Variants in CLSTN2 observed in about 807,000 individuals in gnomAD.
CLSTN2 encodes calsyntenin 2.
Under a neutral mutation model 101.2 loss-of-function variants are expected in CLSTN2, and 48 were observed. The ratio of observed to expected loss-of-function variants is 0.47; its 90% CI spans 0.38 to 0.60. The LOEUF (loss-of-function observed/expected upper bound fraction) is 0.60, where lower values mean the gene tolerates loss of function less well. Ranked by LOEUF, CLSTN2 falls within the 20% of genes least tolerant of loss-of-function variation. The pLI, the probability that CLSTN2 is intolerant of heterozygous loss-of-function variation, is 0.00. For missense variants in CLSTN2, 1,160 were observed against 1,238.2 expected (o/e 0.94, Z 0.95); for synonymous variants, 481 against 463.6 (o/e 1.04, Z -0.48).
chr3:140,531,302 G>A (rs1935250445), intron 8 of CLSTN2, among the ~76,000 whole-genome samples: 1 of 152,068 alleles, frequency 6.6e-6, no homozygotes, highest in Non-Finnish European at 1.5e-5. Flanking sequence ...ACATGAGACA[G>A]GACAATATAA....
chr3:140,189,565 G>A (rs187836469), intron 2 of CLSTN2, among the ~76,000 whole-genome samples: 132 of 152,056 alleles, frequency 8.7e-4, no homozygotes, highest in African/African-American at 3.1e-3. Flanking sequence ...AATGTCTTTT[G>A]TTCATTTTAT....
At chr3:139,937,786 C>G (rs1211445651) in intron 1 of CLSTN2, among the ~76,000 whole-genome samples, 1 of 152,006 alleles carries the variant, frequency 6.6e-6, no homozygotes, top group Non-Finnish European at 1.5e-5. Flanking sequence ...ATTTGTTTTT[C>G]CAGGGTAAAA....
At chr3:140,472,458 C>A (rs1401823344) in intron 8 of CLSTN2, among the ~76,000 whole-genome samples, 2 of 152,104 alleles carry the variant, frequency 1.3e-5, no homozygotes, top group Non-Finnish European at 2.9e-5. Context: ...AACCAAGTGC[C>A]AAGGAGTTAA....
In CLSTN2 at chr3:140,417,992, G is replaced by T. The variant is rs1248030986; in HGVS notation, c.638-3133G>T. On this transcript the variant is annotated intron_variant, in intron 4 of 16. Transcript: ENST00000458420. ...TAGACCTGCAACAAATTGAGCCAAG[G>T]ATTCAGCTTGTGTGTTTATTTTTCT... is the stretch of plus-strand genomic sequence containing the variant. Among the ~76,000 whole-genome samples, 4 of 152,170 alleles carry T rather than the reference G, an allele frequency of 2.6e-5. No individual in the cohort carries two copies. The East Asian group carries it at 7.7e-4, about 29-fold the overall frequency.
rs112390411 is a variant in CLSTN2, at chr3:140,173,273, A to G, written c.110-2678A>G. On this transcript the variant is annotated intron_variant, in intron 1 of 16. Transcript: ENST00000458420. ...AAATCCAGTGTGGCTGTCAAATCTTAAAGCTCCAATATGATCTCTTTTGAC... is the reference window on the plus strand; with the variant it reads ...AAATCCAGTGTGGCTGTCAAATCTTGAAGCTCCAATATGATCTCTTTTGAC... Among the ~76,000 whole-genome samples the G allele has an allele frequency of 2.9e-3, 443 of 152,340 alleles. 1 individual carries two copies. The highest frequency in any genetic ancestry group is 0.01 in the African/African-American group (427 of 41,572).
At chr3:140,375,953 A>C (rs1224742362) in intron 2 of CLSTN2, among the ~76,000 whole-genome samples, 1 of 152,186 alleles carries the variant, frequency 6.6e-6, no homozygotes, top group Non-Finnish European at 1.5e-5. Context: ...ATAAAGACTT[A>C]TTAGGAGAAT....
At chr3:140,146,605 C>T (rs1325477932) in intron 1 of CLSTN2, among the ~76,000 whole-genome samples, 1 of 152,088 alleles carries the variant, frequency 6.6e-6, no homozygotes, top group East Asian at 1.9e-4. Context: ...TTGTATTGCA[C>T]TTAAAAAGTG....
At chr3:140,201,038 C>CTAGGATT (rs1474212740) in intron 2 of CLSTN2, among the ~76,000 whole-genome samples, 6 of 152,324 alleles carry the variant, frequency 3.9e-5, no homozygotes, top group African/African-American at 1.4e-4. Flanking sequence ...ACAGAACTGT[C>CTAGGATT]TGTTAAATAC....
chr3:140,474,501 A>G (rs1933932787), intron 8 of CLSTN2, among the ~76,000 whole-genome samples: 1 of 152,128 alleles, frequency 6.6e-6, no homozygotes, highest in Admixed American at 6.5e-5. Context: ...GAAGGTGCCA[A>G]ATCGCCTTAC....
At chr3:140,138,706 C>G (rs1456864554) in intron 1 of CLSTN2, among the ~76,000 whole-genome samples, 1 of 152,170 alleles carries the variant, frequency 6.6e-6, no homozygotes, top group Non-Finnish European at 1.5e-5. Context: ...CCTACTCTCA[C>G]CAAAGTCAAT....
At chr3:140,501,773 G>A (rs79985151) in intron 8 of CLSTN2, among the ~76,000 whole-genome samples, 69 of 152,290 alleles carry the variant, frequency 4.5e-4, no homozygotes, top group African/African-American at 1.7e-3. Context: ...GTACTGCTTA[G>A]TGGTTTAGAG....
chr3:139,936,931 A>C (rs2330), intron 1 of CLSTN2, among the ~76,000 whole-genome samples: 4,553 of 152,182 alleles, frequency 0.03, 110 homozygotes, highest in Non-Finnish European at 0.048. Flanking sequence ...ATGAGAGAAA[A>C]ACTCGTTATG....
Position 140,567,657 on chromosome 3 carries a change from T to C in CLSTN2, c.*1404T>C, listed in dbSNP as rs1379427569. The C allele has an allele frequency of 6.6e-6, 1 of 152,240 alleles. No individual in the cohort carries two copies. The highest frequency in any genetic ancestry group is 2.4e-5 in the African/African-American group (1 of 41,462). The allele number at this position is 152,240 out of a possible 1,614,324, so 9.4% of individuals were successfully genotyped here. A position where few individuals can be genotyped will look rare whatever the true frequency, so the allele number is the denominator to read the frequency against. On this transcript the variant is annotated 3_prime_UTR_variant, in exon 17 of 17. Coordinates refer to ENST00000458420, the MANE Select transcript of CLSTN2 (RefSeq NM_022131.3). ...TTCCACGAAGCTCTGAGAACATGTTTGTTTCGAATGTCTGATTCCTCTTTG... is the reference window on the plus strand; with the variant it reads ...TTCCACGAAGCTCTGAGAACATGTTCGTTTCGAATGTCTGATTCCTCTTTG...
intron 1 of CLSTN2, among the ~76,000 whole-genome samples, chr3:140,171,855 A>T (rs1172512885): frequency 4.3e-5 from 5 of 116,104 alleles, no homozygotes; most frequent in African/African-American, 1.0e-4. Flanking sequence ...TAATATATAT[A>T]TTATATAATA....
At chr3:140,104,588 A>G (rs1236536565) in intron 1 of CLSTN2, among the ~76,000 whole-genome samples, 2 of 152,234 alleles carry the variant, frequency 1.3e-5, no homozygotes, top group Non-Finnish European at 2.9e-5. Context: ...GATTTACCCC[A>G]TAAAGTGTAG....
At chr3:140,000,988 T>C (rs1317680712) in intron 1 of CLSTN2, among the ~76,000 whole-genome samples, 2 of 152,212 alleles carry the variant, frequency 1.3e-5, no homozygotes, top group African/African-American at 4.8e-5. Flanking sequence ...ACTGCAAGGA[T>C]GGCTGTGAGA....
intron 2 of CLSTN2, among the ~76,000 whole-genome samples, chr3:140,378,628 C>T (rs1479856): frequency 0.95 from 145,337 of 152,204 alleles, 69,740 homozygotes; most frequent in East Asian, 1. Flanking sequence ...TGAACTTGGC[C>T]ATGGAGAAAG....
At chr3:140,129,299 C>T (rs1211934884) in intron 1 of CLSTN2, among the ~76,000 whole-genome samples, 2 of 152,114 alleles carry the variant, frequency 1.3e-5, no homozygotes, top group Admixed American at 1.3e-4. Context: ...TAATGTCTGA[C>T]ACATTGTAGG....
chr3:140,240,315 C>CACACACAT (rs386398073), intron 2 of CLSTN2, among the ~76,000 whole-genome samples: 23 of 147,026 alleles, frequency 1.6e-4, no homozygotes, highest in East Asian at 1.2e-3. Context: ...TACACACACA[C>CACACACAT]ACACATACAC....
Sources: allele counts gnomAD v4.1 joint callset (sites outside exome capture counted in the v4.1 genomes callset), GRCh38; gene constraint gnomAD v4.1.1; transcripts MANE v1.5; gene names NCBI Gene and HGNC (gene_info 2026-07-23, HGNC 2026-07-21).